RAB10: variants seen among roughly 807,000 people sequenced by gnomAD.
RAB10 encodes RAB10, member RAS oncogene family.
A neutral mutation model predicts 25.7 loss-of-function variants in RAB10; 5 were observed. The observed-to-expected ratio is 0.19, with a 90% confidence interval of 0.10 to 0.41. RAB10 has a LOEUF of 0.41. Ranked by LOEUF, RAB10 falls within the 10% of genes least tolerant of loss-of-function variation. RAB10 has a pLI of 1.00. For synonymous variants in RAB10, 89 were observed against 86.4 expected (o/e 1.03, Z -0.16); for missense variants, 103 against 245.8 (o/e 0.42, Z 3.89).
intron 1 of RAB10, among the ~76,000 whole-genome samples, chr2:26,079,310 AACACACACACACAAACAC>A (rs1489747626): frequency 3.3e-4 from 20 of 61,388 alleles, no homozygotes; most frequent in East Asian, 1.3e-3. Context: ...GCAAGTTTGA[AACACACACACACAAACAC>A]ACACACACAC....
chr2:26,033,733 G>T (rs112739685), upstream of RAB10, among the ~76,000 whole-genome samples: 4 of 152,236 alleles, frequency 2.6e-5, no homozygotes, highest in African/African-American at 9.6e-5. Context: ...ACCCCGGGAG[G>T]GGAAGGAGGT....
intron 3 of RAB10, among the ~76,000 whole-genome samples, chr2:26,120,832 C>T (rs559759423): frequency 1.3e-5 from 2 of 152,116 alleles, no homozygotes; most frequent in Admixed American, 6.5e-5. Context: ...CCTCGTGATC[C>T]GCCCGCCTCG....
Position 26,034,516 on chromosome 2 carries a change from C to T in RAB10, c.-93C>T. 3 of 1,546,912 alleles carry T rather than the reference C, an allele frequency of 1.9e-6. No homozygotes were observed. Among genetic ancestry groups the T allele is most frequent in the South Asian group, 1.2e-5 (1 of 86,386 alleles). ...TTTTTCCCACGCTTCCCCGGTCCTC[C>T]GGCCTGAGAACGCCCGAGTGAGGAG... On this transcript the variant is annotated 5_prime_UTR_variant, in exon 1 of 6. Coordinates refer to ENST00000264710, the MANE Select transcript of RAB10 (RefSeq NM_016131.5).
At chr2:26,071,174 A>G (rs559382948) in intron 1 of RAB10, among the ~76,000 whole-genome samples, 6 of 152,214 alleles carry the variant, frequency 3.9e-5, no homozygotes, top group Non-Finnish European at 7.3e-5. Flanking sequence ...TGGGAGGTAA[A>G]TATAAAGCAC....
intron 1 of RAB10, among the ~76,000 whole-genome samples, chr2:26,095,257 AT>A (rs1667187119): frequency 1.3e-5 from 2 of 152,148 alleles, no homozygotes; most frequent in South Asian, 4.1e-4. Context: ...ATTGGTTCCA[AT>A]TACTTAAAGC....
chr2:26,066,683 C>T (rs1309170610), intron 1 of RAB10, among the ~76,000 whole-genome samples: 1 of 152,012 alleles, frequency 6.6e-6, no homozygotes, highest in African/African-American at 2.4e-5. Flanking sequence ...GTTTCAATTA[C>T]CTCCCACCGG....
intron 2 of RAB10, among the ~76,000 whole-genome samples, chr2:26,107,186 C>A (rs1199060890): frequency 7.0e-6 from 1 of 142,606 alleles, no homozygotes; most frequent in African/African-American, 2.7e-5. Context: ...GCGGAGGTTG[C>A]AGTGAGCCAA....
intron 1 of RAB10, among the ~76,000 whole-genome samples, chr2:26,063,408 GCTCA>G (rs1173555166): frequency 2.0e-5 from 3 of 148,434 alleles, no homozygotes; most frequent in Non-Finnish European, 4.4e-5. Context: ...TATTACATTT[GCTCA>G]CTCACATTCT....
chr2:26,041,043 T>C (rs977618136), intron 1 of RAB10, among the ~76,000 whole-genome samples: 1 of 152,048 alleles, frequency 6.6e-6, no homozygotes, highest in Non-Finnish European at 1.5e-5. Context: ...TTGTCTTTTT[T>C]TTTTTTCTCA....
intron 1 of RAB10, among the ~76,000 whole-genome samples, chr2:26,072,660 T>C (rs1405134215): frequency 1.3e-5 from 2 of 152,190 alleles, no homozygotes; most frequent in Non-Finnish European, 2.9e-5. Flanking sequence ...TATCTGTTTG[T>C]AGCTAGATTT....
At chr2:26,058,536 T>A (rs2149266290) in intron 1 of RAB10, among the ~76,000 whole-genome samples, 1 of 152,242 alleles carries the variant, frequency 6.6e-6, no homozygotes, top group Non-Finnish European at 1.5e-5. Context: ...TAGCTAGGAT[T>A]ACAGATGTAT....
chr2:26,052,692 T>A (rs1035769547), intron 1 of RAB10, among the ~76,000 whole-genome samples: 12 of 152,112 alleles, frequency 7.9e-5, no homozygotes, highest in African/African-American at 2.2e-4. Flanking sequence ...TGTACACATT[T>A]GTATTTAATC....
intron 1 of RAB10, among the ~76,000 whole-genome samples, chr2:26,080,132 A>T (rs1666836598): frequency 6.6e-6 from 1 of 152,220 alleles, no homozygotes; most frequent in Non-Finnish European, 1.5e-5. Context: ...GGCTTGAAGG[A>T]GCTGTTAATG....
intron 2 of RAB10, among the ~76,000 whole-genome samples, chr2:26,107,091 T>C (rs138773933): frequency 0.029 from 4,318 of 150,688 alleles, 196 homozygotes; most frequent in African/African-American, 0.1. Context: ...ACTAAAAATA[T>C]AAAAATTAGC....
chr2:26,044,322 C>T (rs1665950112), intron 1 of RAB10, among the ~76,000 whole-genome samples: 1 of 152,182 alleles, frequency 6.6e-6, no homozygotes. Context: ...TCAAGAGGAT[C>T]CTTTATGGTA....
intron 1 of RAB10, among the ~76,000 whole-genome samples, chr2:26,036,493 T>C (rs1207391925): frequency 6.6e-6 from 1 of 151,978 alleles, no homozygotes; most frequent in Non-Finnish European, 1.5e-5. Flanking sequence ...ACCCCGTTTT[T>C]ACTAAAAATA....
chr2:26,066,598 G>A (rs1394501070), intron 1 of RAB10, among the ~76,000 whole-genome samples: 1 of 151,962 alleles, frequency 6.6e-6, no homozygotes, highest in African/African-American at 2.4e-5. Flanking sequence ...TGAGAGGAGC[G>A]AAGCCCCTTA....
intron 1 of RAB10, among the ~76,000 whole-genome samples, chr2:26,056,273 A>T (rs954447327): frequency 1.3e-5 from 2 of 152,024 alleles, no homozygotes; most frequent in African/African-American, 4.8e-5. Flanking sequence ...ATCTCGGCTC[A>T]CTGCAACCTG....
rs572135425 is a variant in RAB10, at chr2:26,127,759, T to G, written c.418-91T>G. The G allele has an allele frequency of 4.6e-6, 4 of 876,894 alleles. No individual in the cohort carries two copies. The South Asian group carries it at 5.9e-5, about 13-fold the overall frequency. The allele number at this position is 876,894 out of a possible 1,614,324, so 54.3% of individuals were successfully genotyped here. The stretch of plus-strand genomic sequence containing the variant: ...ATATATTCTAGTTGGGACCACTGCC[T>G]TCAGAATAAGATTAATATTTAAGCT... On this transcript the variant is annotated intron_variant, in intron 4 of 5. Transcript: ENST00000264710.
Sources: gnomAD v4.1 joint callset for allele counts (sites outside exome capture counted in the v4.1 genomes callset) on GRCh38, gnomAD v4.1.1 for gene constraint, MANE v1.5 for transcripts, NCBI Gene and HGNC (gene_info 2026-07-23, HGNC 2026-07-21) for gene names.